The following STAM variants were observed in gnomAD, a reference collection of about 807,000 sequenced individuals.
STAM encodes signal transducing adaptor molecule.
In STAM, 16 loss-of-function variants were observed where a neutral mutation model predicts 63.4. The ratio of observed to expected loss-of-function variants is 0.25; its 90% confidence interval spans 0.17 to 0.38. STAM has a LOEUF of 0.38. Ranked by LOEUF, STAM falls within the 10% of genes least tolerant of loss-of-function variation. The probability of loss-of-function intolerance (pLI) is 1.00; values close to 1 mark genes in which losing one functional copy is unlikely to be tolerated. For missense variants in STAM, 636 were observed against 657.1 expected (o/e 0.97, Z 0.35); for synonymous variants, 238 against 223.9 (o/e 1.06, Z -0.56).
chr10:17,646,905 ACT>A (rs1366046932), intron 1 of STAM, among the ~76,000 whole-genome samples: 2 of 152,198 alleles, frequency 1.3e-5, no homozygotes, highest in Non-Finnish European at 2.9e-5. Context: ...ATCACTTAAC[ACT>A]CGTATACATT....
chr10:17,704,389 A>G, intron 9 of STAM, 42 bp from the exon 10 acceptor site: 2 of 1,543,998 alleles, frequency 1.3e-6, no homozygotes, highest in East Asian at 2.2e-5. Flanking sequence ...AAAGTTGCCT[A>G]AAGGTTGGTA....
At chr10:17,705,257 T>C (rs577025437) in intron 11 of STAM, among the ~76,000 whole-genome samples, 4 of 152,298 alleles carry the variant, frequency 2.6e-5, no homozygotes, top group South Asian at 4.1e-4. Context: ...ATAGGTCGTT[T>C]TAAAAACAAG....
At chr10:17,703,008 C>CAAAAAAA (rs71507229) in intron 9 of STAM, among the ~76,000 whole-genome samples, 14 of 67,840 alleles carry the variant, frequency 2.1e-4, no homozygotes, top group South Asian at 6.3e-4. Context: ...GACTCCATCT[C>CAAAAAAA]AAAAAAAAAA....
intron 2 of STAM, among the ~76,000 whole-genome samples, chr10:17,675,616 G>C (rs1834819368): frequency 6.6e-6 from 1 of 152,028 alleles, no homozygotes; most frequent in African/African-American, 2.4e-5. Context: ...AACTTATACA[G>C]GGATTCACTT....
At chr10:17,657,350 C>A (rs539073182) in intron 1 of STAM, among the ~76,000 whole-genome samples, 3 of 152,136 alleles carry the variant, frequency 2.0e-5, no homozygotes, top group East Asian at 1.9e-4. Flanking sequence ...CTGCCCTGCT[C>A]GTACCTGTCT....
At chr10:17,712,850 A>G (rs1836616850) in intron 13 of STAM, among the ~76,000 whole-genome samples, 1 of 152,040 alleles carries the variant, frequency 6.6e-6, no homozygotes, top group Admixed American at 6.6e-5. Flanking sequence ...TTGAGATGGG[A>G]GTACTGGCAG....
At chr10:17,695,642 T>C (rs1280292289) in intron 7 of STAM, 4 of 154,610 alleles carry the variant, frequency 2.6e-5, no homozygotes, top group African/African-American at 9.6e-5. Flanking sequence ...GGAACAAATT[T>C]ATTTTGTATG....
chr10:17,712,368 A>T (rs1343901984), intron 13 of STAM, among the ~76,000 whole-genome samples: 1 of 152,228 alleles, frequency 6.6e-6, no homozygotes, highest in Non-Finnish European at 1.5e-5. Context: ...ACCATTGTCA[A>T]TAATAGTATG....
chr10:17,688,488 A>T (rs1366016444), intron 5 of STAM, among the ~76,000 whole-genome samples: 1 of 152,070 alleles, frequency 6.6e-6, no homozygotes, highest in Non-Finnish European at 1.5e-5. Context: ...TTTGAGACGG[A>T]GTCTTTGTTT....
chr10:17,644,629 G>C (rs1206249396), intron 1 of STAM, among the ~76,000 whole-genome samples: 2 of 152,202 alleles, frequency 1.3e-5, no homozygotes, highest in African/African-American at 4.8e-5. Flanking sequence ...TGCTGAATGG[G>C]TTGGTGTAAA....
chr10:17,649,414 TA>T (rs1554821293), intron 1 of STAM, among the ~76,000 whole-genome samples: 4 of 150,830 alleles, frequency 2.7e-5, no homozygotes, highest in Non-Finnish European at 3.0e-5. Context: ...AAAAAAGAAT[TA>T]AAAAAAATGC....
chr10:17,693,447 C>T (rs995913127), intron 6 of STAM, 135 bp downstream of exon 6: 1 of 656,780 alleles, frequency 1.5e-6, no homozygotes. Flanking sequence ...GTATTCTTTG[C>T]TTTACTCTTG....
chr10:17,678,028 G>A (rs1834924572), intron 2 of STAM, among the ~76,000 whole-genome samples: 1 of 152,114 alleles, frequency 6.6e-6, no homozygotes. Context: ...ATACAATTCA[G>A]TGGGTTTTAA....
At chr10:17,657,372 A>G (rs1833983586) in intron 1 of STAM, among the ~76,000 whole-genome samples, 1 of 152,150 alleles carries the variant, frequency 6.6e-6, no homozygotes, top group Non-Finnish European at 1.5e-5. Flanking sequence ...ACTACCTGTA[A>G]CATTTTGTTG....
chr10:17,705,896 TGTCTCTACCAAAAAAAAAAA>T (rs1463740963), intron 12 of STAM, among the ~76,000 whole-genome samples, 155 bp downstream of exon 12: 2 of 148,126 alleles, frequency 1.4e-5, no homozygotes, highest in African/African-American at 5.0e-5. Flanking sequence ...AGTGAGACTC[TGTCTCTACCAAAAAAAAAAA>T]AAAAAATTAG....
At chr10:17,666,387 ATTTTTTTTTT>A (rs10673746) in intron 2 of STAM, among the ~76,000 whole-genome samples, 97 of 85,914 alleles carry the variant, frequency 1.1e-3, no homozygotes, top group Non-Finnish European at 1.5e-3. Context: ...TTGGCTTTGT[ATTTTTTTTTT>A]TTTTTTTTTT....
chr10:17,691,222 T>G (rs1348827814), intron 5 of STAM, among the ~76,000 whole-genome samples: 2 of 152,158 alleles, frequency 1.3e-5, no homozygotes, highest in East Asian at 3.9e-4. Context: ...TCAGCTCTTC[T>G]AAAAATAAAT....
At chr10:17,704,920 A>C in intron 10 of STAM, 50 bp from the exon 11 acceptor site, 1 of 1,424,746 alleles carries the variant, frequency 7.0e-7, no homozygotes, top group Non-Finnish European at 9.8e-7. Context: ...AAAGGTTCAC[A>C]TTTTTTTTTC....
intron 5 of STAM, among the ~76,000 whole-genome samples, chr10:17,691,291 G>A (rs1835521672): frequency 6.6e-6 from 1 of 152,160 alleles, no homozygotes; most frequent in Non-Finnish European, 1.5e-5. Context: ...GGCCGAGGCG[G>A]GTGGGTCACG....
Sources: allele counts gnomAD v4.1 joint callset (sites outside exome capture counted in the v4.1 genomes callset), GRCh38; gene constraint gnomAD v4.1.1; transcripts MANE v1.5; gene names NCBI Gene and HGNC (gene_info 2026-07-23, HGNC 2026-07-21).